ATF7: variants seen among roughly 807,000 people sequenced by gnomAD.
The protein encoded by ATF7 is cyclic AMP-dependent transcription factor ATF-7.
Under a neutral mutation model 50.4 loss-of-function variants are expected in ATF7, and 10 were observed. The ratio of observed to expected loss-of-function variants is 0.20; its 90% CI spans 0.12 to 0.34. The LOEUF (loss-of-function observed/expected upper bound fraction) is 0.34, where lower values mean the gene tolerates loss of function less well. Ranked by LOEUF, ATF7 falls within the 10% of genes least tolerant of loss-of-function variation. The probability of loss-of-function intolerance (pLI) is 1.00; values close to 1 mark genes in which losing one functional copy is unlikely to be tolerated. For missense variants in ATF7, 465 were observed against 613.9 expected (o/e 0.76, Z 2.56); for synonymous variants, 201 against 226.4 (o/e 0.89, Z 1.01).
At chr12:53,598,970 G>A (rs914922042) in intron 2 of ATF7, among the ~76,000 whole-genome samples, 8 of 152,236 alleles carry the variant, frequency 5.3e-5, no homozygotes, top group African/African-American at 9.6e-5. Context: ...ACAAGGTATC[G>A]GTCATAAGCA....
rs1026412254 is a variant in ATF7 at position 53,557,807 on chromosome 12, T to C, written c.49-5170A>G. 2.6e-5 allele frequency among the ~76,000 whole-genome samples: 4 copies of C among 152,368 alleles called. No individual in the cohort carries two copies. The South Asian group carries it at 6.2e-4, about 24-fold the overall frequency. ...GTACTTGCAATGTGGCTAGTCTGAA[T>C]TGAAATGTACTGAAAATCAAAACAC... On this transcript the variant is annotated intron_variant, in intron 2 of 11. Transcript: ENST00000420353.
intron 1 of ATF7, among the ~76,000 whole-genome samples, chr12:53,604,783 A>T (rs940601967): frequency 6.6e-6 from 1 of 152,206 alleles, no homozygotes; most frequent in Non-Finnish European, 1.5e-5. Flanking sequence ...AAAATCTAGA[A>T]GATGTTAAGA....
intron 11 of ATF7, among the ~76,000 whole-genome samples, chr12:53,521,310 T>C (rs1246943661): frequency 6.6e-6 from 1 of 152,186 alleles, no homozygotes; most frequent in Admixed American, 6.5e-5. Flanking sequence ...ATCACTTTTC[T>C]GCTGAAAACC....
intron 2 of ATF7, chr12:53,575,460 C>T (rs1412187489): frequency 6.7e-6 from 1 of 150,334 alleles, no homozygotes. Context: ...CCTGTAATCC[C>T]AGCTACTCAG....
Position 53,523,282 on chromosome 12 carries a change from A to G in ATF7, c.1228T>C (p.Tyr410His). The change falls in exon 11 of 12, where the codon TAT becomes CAT. Residue 410 changes from tyrosine (Y) to histidine (H), a missense_variant. Coordinates refer to ENST00000420353, the MANE Select transcript of ATF7 (RefSeq NM_006856.3). ...TAGGTTGTGTGCCACTCACCTAAAT[A>G]GCCTTGAGTCTTTTTCTGTAGTGCA... ...VTALQKKTQGYLESPKESSEP... is the reference protein window; with the variant it reads ...VTALQKKTQGHLESPKESSEP... The G allele has an allele frequency of 6.2e-7, 1 of 1,610,118 alleles. No homozygotes were observed. Among genetic ancestry groups the G allele is most frequent in the Non-Finnish European group, 8.5e-7 (1 of 1,176,522 alleles).
At chr12:53,527,074 GGT>G (rs1938524011) in intron 9 of ATF7, among the ~76,000 whole-genome samples, 16 of 151,686 alleles carry the variant, frequency 1.1e-4, no homozygotes, top group African/African-American at 3.6e-4. Flanking sequence ...CAGGAGAATC[GGT>G]TGAACCTGGG....
At chr12:53,562,439 A>C (rs1290942498) in intron 2 of ATF7, among the ~76,000 whole-genome samples, 2 of 152,178 alleles carry the variant, frequency 1.3e-5, no homozygotes, top group Admixed American at 1.3e-4. Context: ...CAGGAATTCA[A>C]GACCAGCCTG....
At chr12:53,610,977 C>A (rs1466430534) in intron 1 of ATF7, among the ~76,000 whole-genome samples, 2 of 151,948 alleles carry the variant, frequency 1.3e-5, no homozygotes, top group Non-Finnish European at 2.9e-5. Flanking sequence ...TAGGTGCACA[C>A]CACCATGCCC....
At chr12:53,543,094 G>T (rs8938) in intron 4 of ATF7, 184,432 of 1,391,768 alleles carry the variant, frequency 0.13, 12,813 homozygotes, top group African/African-American at 0.15. Flanking sequence ...TACTCCCCTG[G>T]AAGAACAAGA....
downstream of ATF7, among the ~76,000 whole-genome samples, chr12:53,509,928 C>A (rs146137289): frequency 6.6e-6 from 1 of 152,250 alleles, no homozygotes; most frequent in African/African-American, 2.4e-5. Flanking sequence ...CTCCAGATAC[C>A]ATATTTCTGT....
intron 2 of ATF7, among the ~76,000 whole-genome samples, chr12:53,582,285 T>C (rs887848041): frequency 6.8e-6 from 1 of 147,632 alleles, no homozygotes; most frequent in African/African-American, 2.5e-5. Context: ...GCCGAGATCA[T>C]GCCACTACAC....
rs111672601 is a variant in ATF7, at chr12:53,615,154, C to T, written c.-22+11125G>A. Among the ~76,000 whole-genome samples the T allele has an allele frequency of 1.3e-3, 201 of 151,540 alleles. 2 individuals are homozygous for T. The East Asian group carries it at 0.028, about 21-fold the overall frequency. ...ATCTCAACACTTTGGAAGACCGAGG[C>T]GGGCGGATCACAAGGTCAGGAGATT... On this transcript the variant is annotated intron_variant, in intron 1 of 11. Transcript: ENST00000420353.
intron 11 of ATF7, among the ~76,000 whole-genome samples, chr12:53,519,504 C>G (rs1263041762): frequency 6.6e-6 from 1 of 152,016 alleles, no homozygotes. Context: ...GAATTGGAGA[C>G]TAGCCTGGGG....
At position 53,517,163 on chromosome 12, in the gene ATF7, G is replaced by C; in HGVS notation, c.1426C>G (p.Pro476Ala). 6.2e-7 allele frequency: 1 copy of C among 1,613,228 alleles called. No homozygotes were observed. The highest frequency in any genetic ancestry group is 8.5e-7 in the Non-Finnish European group (1 of 1,179,894). ...MPIQSHVIMT[P>A]QSQSAGR is the part of the protein sequence containing the mutation. ...CATCTGCCCGCAGACTGGGACTGTG[G>C]GGTCATGATTACATGCGATTGTATC... is the stretch of plus-strand genomic sequence containing the variant. The change falls in exon 12 of 12, where the codon CCA (proline) becomes GCA (alanine). Residue 476 changes from proline to alanine, a missense_variant. Transcript: ENST00000420353.
At chr12:53,559,237 C>CTT (rs11388539) in intron 2 of ATF7, among the ~76,000 whole-genome samples, 7 of 150,140 alleles carry the variant, frequency 4.7e-5, no homozygotes, top group Non-Finnish European at 5.9e-5. Context: ...TTTCTTTTTT[C>CTT]TTTTTTTTAG....
Position 53,534,655 on chromosome 12 carries a change from A to T in ATF7, c.407T>A (p.Val136Asp). 6.2e-7 allele frequency: 1 copy of T among 1,610,452 alleles called. No homozygotes were observed. The change falls in exon 6 of 12, where the codon GTT (valine) becomes GAT (aspartate). Residue 136 changes from valine to aspartate, a missense_variant. Coordinates refer to ENST00000420353, the MANE Select transcript of ATF7 (RefSeq NM_006856.3). ...AGAGATCAGAACAGGCTTTGGGGTA[A>T]CCTCCTGGAGAAAAGAAACCAACAG... is the stretch of plus-strand genomic sequence containing the variant. ...PCSPPLKEKE[V>D]TPKPVLISTP...
chr12:53,621,977 A>G (rs1243576056), intron 1 of ATF7, among the ~76,000 whole-genome samples: 1 of 152,032 alleles, frequency 6.6e-6, no homozygotes, highest in Non-Finnish European at 1.5e-5. Context: ...CTTGATGAAG[A>G]GCCTGATCTT....
At position 53,515,095 on chromosome 12, in the gene ATF7, C is replaced by T. The variant is rs979917360; in HGVS notation, c.*2042G>A. 5 of 152,242 alleles carry T rather than the reference C, an allele frequency of 3.3e-5. No homozygotes were observed. Among genetic ancestry groups the T allele is most frequent in the Admixed American group, 6.5e-5 (1 of 15,280 alleles). The allele number at this position is 152,242 out of a possible 1,614,324, so 9.4% of individuals were successfully genotyped here. A position where few individuals can be genotyped will look rare whatever the true frequency, so the allele number is the denominator to read the frequency against. On this transcript the variant is annotated 3_prime_UTR_variant, in exon 12 of 12. Coordinates refer to ENST00000420353, the MANE Select transcript of ATF7 (RefSeq NM_006856.3). The stretch of plus-strand genomic sequence containing the variant: ...CCATAACATTTGCTAGTCTGAATCA[C>T]TTCAGGGCCTATTCCTGTTGGGTAC...
chr12:53,559,178 G>A (rs1940931956), intron 2 of ATF7, among the ~76,000 whole-genome samples: 1 of 150,898 alleles, frequency 6.6e-6, no homozygotes, highest in Non-Finnish European at 1.5e-5. Context: ...CTGTAAATAA[G>A]GAATAAATCT....
Sources: allele counts gnomAD v4.1 joint callset (sites outside exome capture counted in the v4.1 genomes callset), GRCh38; gene constraint gnomAD v4.1.1; transcripts MANE v1.5; gene names NCBI Gene and HGNC (gene_info 2026-07-23, HGNC 2026-07-21).